Variants in TPD52L1 observed in about 807,000 individuals in gnomAD.
TPD52L1 encodes the protein TPD52 like 1.
A neutral mutation model predicts 28.7 loss-of-function variants in TPD52L1; 18 were observed. The observed-to-expected ratio is 0.63, with a 90% CI of 0.43 to 0.93. The LOEUF (loss-of-function observed/expected upper bound fraction) is 0.93. Among genes scored for constraint, TPD52L1 ranks in the 40% least tolerant of loss-of-function variants. The probability of loss-of-function intolerance (pLI) is 0.00; values close to 1 mark genes in which losing one functional copy is unlikely to be tolerated. For missense variants in TPD52L1, 203 were observed against 254.8 expected, an observed-to-expected ratio of 0.80 and a Z score of 1.39; for synonymous variants, 75 against 88.8, an observed-to-expected ratio of 0.84 and a Z score of 0.88.
chr6:125,180,040 G>A (rs995417159), intron 1 of TPD52L1, among the ~76,000 whole-genome samples: 12 of 152,088 alleles, frequency 7.9e-5, no homozygotes, highest in Admixed American at 2.0e-4. Flanking sequence ...ATCACTGGAC[G>A]GAACTCTGAT....
chr6:125,197,351 T>C (rs1289112141), intron 1 of TPD52L1, among the ~76,000 whole-genome samples: 1 of 152,242 alleles, frequency 6.6e-6, no homozygotes, highest in East Asian at 1.9e-4. Flanking sequence ...TCTGCACATA[T>C]CCACCACATA....
intron 1 of TPD52L1, among the ~76,000 whole-genome samples, chr6:125,164,814 T>C (rs1490323974): frequency 6.6e-6 from 1 of 152,044 alleles, no homozygotes; most frequent in Admixed American, 6.6e-5. Flanking sequence ...ATTTTCACGG[T>C]TTGAAGCAGC....
At chr6:125,253,454 C>T in intron 4 of TPD52L1, 1 of 484,722 alleles carries the variant, frequency 2.1e-6, no homozygotes, top group South Asian at 2.8e-5. Flanking sequence ...CAGACATTCT[C>T]AGATTTCCTG....
At chr6:125,243,489 C>G (rs2115024209) in intron 3 of TPD52L1, among the ~76,000 whole-genome samples, 1 of 151,816 alleles carries the variant, frequency 6.6e-6, no homozygotes, top group Non-Finnish European at 1.5e-5. Context: ...TTGGAGGAGG[C>G]TTTGTTCATT....
At chr6:125,202,276 A>T (rs1361925330) in intron 1 of TPD52L1, among the ~76,000 whole-genome samples, 4 of 152,240 alleles carry the variant, frequency 2.6e-5, no homozygotes, top group Non-Finnish European at 5.9e-5. Context: ...GTTCATAGTG[A>T]ATATCTTTCA....
At chr6:125,253,673 CTTCTT>C (rs1562389919) in intron 4 of TPD52L1, 39 bp from the exon 5 acceptor site, 1 of 1,583,824 alleles carries the variant, frequency 6.3e-7, no homozygotes, top group East Asian at 2.2e-5. Flanking sequence ...TGTGTGCTCT[CTTCTT>C]TTTTCTTTTT....
Position 125,259,983 on chromosome 6 carries a change from A to C in TPD52L1, c.486+2825A>C, listed in dbSNP as rs997129798. On this transcript the variant is annotated intron_variant, in intron 6 of 6. Coordinates refer to ENST00000534000, the MANE Select transcript of TPD52L1 (RefSeq NM_003287.4). ...CGTGGTTAGGAATATCTTTGATTCC[A>C]TACCTTCTTTGCCAAATTGATTTCT... The C allele has an allele frequency of 2.0e-5, 3 of 152,250 alleles. 1 individual carries two copies. The highest frequency in any genetic ancestry group is 7.2e-5 in the African/African-American group (3 of 41,474). The allele number at this position is 152,250 out of a possible 1,614,324, so 9.4% of individuals were successfully genotyped here.
At chr6:125,172,152 CTTTCTT>C (rs1196599928) in intron 1 of TPD52L1, among the ~76,000 whole-genome samples, 5 of 51,342 alleles carry the variant, frequency 9.7e-5, no homozygotes, top group East Asian at 9.9e-4. Context: ...TTCTTTCTTT[CTTTCTT>C]TTCTTTCTTT....
intron 1 of TPD52L1, among the ~76,000 whole-genome samples, chr6:125,168,878 T>C (rs1791091238): frequency 6.6e-6 from 1 of 152,168 alleles, no homozygotes; most frequent in South Asian, 2.1e-4. Flanking sequence ...GTAGGACCTG[T>C]TATGTATGTT....
intron 4 of TPD52L1, among the ~76,000 whole-genome samples, chr6:125,249,927 A>T (rs1797163017): frequency 6.6e-6 from 1 of 152,184 alleles, no homozygotes; most frequent in African/African-American, 2.4e-5. Context: ...CCACAATAAT[A>T]AAAAGTAATT....
intron 1 of TPD52L1, among the ~76,000 whole-genome samples, chr6:125,217,290 T>G (rs1183478291): frequency 1.3e-5 from 2 of 152,186 alleles, no homozygotes; most frequent in African/African-American, 4.8e-5. Flanking sequence ...TTATTTCTAT[T>G]ATTATTACAT....
At chr6:125,230,749 G>A (rs6916559) in intron 3 of TPD52L1, among the ~76,000 whole-genome samples, 23,118 of 152,070 alleles carry the variant, frequency 0.15, 2,137 homozygotes, top group East Asian at 0.32. Flanking sequence ...ATATGGCCTA[G>A]CAGTCCTATT....
Position 125,248,297 on chromosome 6 carries a change from T to C in TPD52L1, c.300T>C (p.His100=). 1.9e-6 allele frequency: 3 copies of C among 1,613,988 alleles called. No individual in the cohort carries two copies. Among genetic ancestry groups the C allele is most frequent in the Non-Finnish European group, 2.5e-6 (3 of 1,179,896 alleles). Residue 100 remains histidine, a synonymous_variant, in exon 4 of 7, where the codon CAT becomes CAC. Coordinates refer to ENST00000534000, the MANE Select transcript of TPD52L1 (RefSeq NM_003287.4). ...TTATTTCTAGCTACAAGAAAACACA[T>C]GAAACCCTGAGTCACGCAGGGCAAA... is the stretch of plus-strand genomic sequence containing the variant. ...MQTTTAYKKT[H]ETLSHAGQKA...
intron 6 of TPD52L1, among the ~76,000 whole-genome samples, chr6:125,257,428 T>C (rs983332813): frequency 3.3e-5 from 5 of 152,186 alleles, no homozygotes; most frequent in Non-Finnish European, 5.9e-5. Context: ...ATGCTATCCC[T>C]CCAAAAGTAG....
chr6:125,230,813 C>A (rs1795903527), intron 3 of TPD52L1, among the ~76,000 whole-genome samples: 1 of 152,178 alleles, frequency 6.6e-6, no homozygotes, highest in Admixed American at 6.5e-5. Flanking sequence ...CAGGGCACAG[C>A]CCAGAGTCAG....
chr6:125,209,322 C>T (rs1041832740), intron 1 of TPD52L1, among the ~76,000 whole-genome samples: 1 of 152,206 alleles, frequency 6.6e-6, no homozygotes, highest in East Asian at 1.9e-4. Flanking sequence ...GGAAGACGAA[C>T]ATAGCTTAAA....
At chr6:125,235,449 GA>G (rs1796207849) in intron 3 of TPD52L1, among the ~76,000 whole-genome samples, 1 of 152,122 alleles carries the variant, frequency 6.6e-6, no homozygotes, top group Non-Finnish European at 1.5e-5. Context: ...AACTCATAAT[GA>G]TTTAAGGAAG....
intron 1 of TPD52L1, among the ~76,000 whole-genome samples, chr6:125,207,341 C>A (rs1440034726): frequency 6.6e-6 from 1 of 152,200 alleles, no homozygotes; most frequent in East Asian, 1.9e-4. Context: ...AAGTTCACCA[C>A]TCATCAGTTA....
At chr6:125,162,048 G>T (rs552528717) in intron 1 of TPD52L1, among the ~76,000 whole-genome samples, 2 of 152,230 alleles carry the variant, frequency 1.3e-5, no homozygotes, top group South Asian at 4.2e-4. Context: ...ATTTTGTATT[G>T]AAGTTTAGGC....
Sources: allele counts gnomAD v4.1 joint callset (sites outside exome capture counted in the v4.1 genomes callset), GRCh38; gene constraint gnomAD v4.1.1; transcripts MANE v1.5; gene names NCBI Gene and HGNC (gene_info 2026-07-23, HGNC 2026-07-21).